Variants in SPMAP2 observed in about 807,000 individuals in gnomAD.
SPMAP2 encodes the protein sperm microtubule associated protein 2, also known as Theg homolog.
chr19:373,892 C>T, the SPMAP2 span: 2 of 1,568,256 alleles, frequency 1.3e-6, no homozygotes, highest in Non-Finnish European at 1.7e-6. Context: ...TGGAACCTGA[C>T]ACGTGTCCCC....
chr19:371,367 GGGGTGTGTGT>G, the SPMAP2 span: 38 of 719,022 alleles, frequency 5.3e-5, 2 homozygotes, highest in South Asian at 6.5e-4. Context: ...GCCGGGGGTG[GGGGTGTGTGT>G]GTGTGTGTGT....
At chr19:365,545 ACACAGCCACACAC>A in the SPMAP2 span, among the ~76,000 whole-genome samples, 2 of 60,256 alleles carry the variant, frequency 3.3e-5, no homozygotes, top group African/African-American at 9.6e-5. Flanking sequence ...GAGCACACAC[ACACAGCCACACAC>A]TCGCTCTTAC....
chr19:375,677 G>C, the SPMAP2 span: 1 of 1,583,684 alleles, frequency 6.3e-7, no homozygotes, highest in Non-Finnish European at 8.6e-7. Flanking sequence ...TTTCAGGAAT[G>C]TCCTCTTCCA....
the SPMAP2 span, among the ~76,000 whole-genome samples, chr19:370,770 C>T: frequency 1.3e-5 from 2 of 152,320 alleles, no homozygotes; most frequent in African/African-American, 4.8e-5. Context: ...AAACTACCGA[C>T]GCACGCGAGA....
the SPMAP2 span, chr19:372,624 C>A: frequency 3.1e-6 from 5 of 1,613,682 alleles, no homozygotes; most frequent in Admixed American, 8.3e-5. Flanking sequence ...AGCCCTCCTT[C>A]CCCCACCTGT....
chr19:375,944 G>T, the SPMAP2 span: 1 of 1,446,272 alleles, frequency 6.9e-7, no homozygotes, highest in African/African-American at 1.4e-5. Flanking sequence ...GCTGGTTCCC[G>T]AGTGACCTTC....
chr19:368,540 G>T, the SPMAP2 span, among the ~76,000 whole-genome samples: 9 of 152,248 alleles, frequency 5.9e-5, no homozygotes, highest in Non-Finnish European at 1.3e-4. The surrounding 1 kb of genome is among the most constrained non-coding windows in gnomAD (Gnocchi z 4.1). Flanking sequence ...GGAAGTGGAG[G>T]TGGCCGACCC....
chr19:364,012 T>C, the SPMAP2 span, among the ~76,000 whole-genome samples: 1 of 151,986 alleles, frequency 6.6e-6, no homozygotes, highest in Non-Finnish European at 1.5e-5. Flanking sequence ...CTACGAAACC[T>C]ACACTTAAAA....
chr19:372,596 C>T, the SPMAP2 span: 2 of 1,605,414 alleles, frequency 1.2e-6, no homozygotes, highest in African/African-American at 2.7e-5. Context: ...CCAAACTCTG[C>T]CTTCTGAGTA....
the SPMAP2 span, among the ~76,000 whole-genome samples, chr19:366,234 T>C: frequency 0.096 from 14,556 of 152,082 alleles, 1,796 homozygotes; most frequent in African/African-American, 0.28. Context: ...AACACATGCA[T>C]GTGCACACAC....
chr19:362,067 A>G, the SPMAP2 span: 1 of 581,626 alleles, frequency 1.7e-6, no homozygotes, highest in East Asian at 3.3e-5. Flanking sequence ...TTGGATGCAA[A>G]AATAAATATT....
chr19:372,196 G>T, the SPMAP2 span, among the ~76,000 whole-genome samples: 6 of 152,356 alleles, frequency 3.9e-5, no homozygotes, highest in African/African-American at 9.6e-5. Flanking sequence ...GTAATTATAT[G>T]TTGTGTCTAA....
chr19:366,209 G>A, the SPMAP2 span, among the ~76,000 whole-genome samples: 1,227 of 151,962 alleles, frequency 8.1e-3, 9 homozygotes, highest in Non-Finnish European at 0.013. Context: ...TCTCACACAC[G>A]CATGCACACG....
chr19:362,730 C>T, the SPMAP2 span, among the ~76,000 whole-genome samples: 7 of 144,086 alleles, frequency 4.9e-5, no homozygotes, highest in Non-Finnish European at 4.5e-5. Context: ...CGCGTCACTG[C>T]ACTCCAGCCT....
chr19:370,416 A>G, the SPMAP2 span, among the ~76,000 whole-genome samples: 1 of 150,056 alleles, frequency 6.7e-6, no homozygotes, highest in African/African-American at 2.5e-5. Flanking sequence ...ATCTCGGCTC[A>G]CTGCAAGCTC....
At chr19:370,661 G>A in the SPMAP2 span, among the ~76,000 whole-genome samples, 4 of 152,170 alleles carry the variant, frequency 2.6e-5, no homozygotes, top group Non-Finnish European at 4.4e-5. Context: ...ATTCACATCA[G>A]TTTTATCGTA....
At chr19:373,605 T>C in the SPMAP2 span, 3 of 1,469,068 alleles carry the variant, frequency 2.0e-6, no homozygotes, top group Non-Finnish European at 1.9e-6. Context: ...CCTGGGTCTC[T>C]GCCAGGAGGG....
the SPMAP2 span, among the ~76,000 whole-genome samples, chr19:375,178 G>A: frequency 2.7e-4 from 41 of 152,254 alleles, no homozygotes; most frequent in African/African-American, 7.9e-4. Flanking sequence ...CAAAATCAGC[G>A]CCCCCAGTGC....
the SPMAP2 span, chr19:371,370 G>A: frequency 7.6e-6 from 2 of 263,188 alleles, no homozygotes; most frequent in Non-Finnish European, 1.2e-5. Flanking sequence ...GGGGGTGGGG[G>A]TGTGTGTGTG....
Sources: allele counts gnomAD v4.1 joint callset (sites outside exome capture counted in the v4.1 genomes callset), GRCh38; gene constraint gnomAD v4.1.1; non-coding constraint Gnocchi (gnomAD v3.1); transcripts MANE v1.5; gene names NCBI Gene and HGNC (gene_info 2026-07-23, HGNC 2026-07-21).